DENND10: variants seen among roughly 807,000 people sequenced by gnomAD.
DENND10 encodes DENN domain-containing protein 10.
DENND10 carries 24 observed loss-of-function variants against 43.6 expected under a neutral mutation model. The observed-to-expected ratio is 0.55, with a 90% CI of 0.40 to 0.77. The LOEUF (loss-of-function observed/expected upper bound fraction) is 0.77. DENND10 is among the 30% of genes least tolerant of loss of function. The probability of loss-of-function intolerance (pLI) is 0.00; values close to 1 mark genes in which losing one functional copy is unlikely to be tolerated. For missense variants in DENND10, 303 were observed against 429.9 expected (o/e 0.70, Z 2.61); for synonymous variants, 125 against 157.6 (o/e 0.79, Z 1.55).
intron 8 of DENND10, 50 bp from the exon 9 acceptor site, chr10:119,136,421 T>C: frequency 6.4e-7 from 1 of 1,561,094 alleles, no homozygotes; most frequent in East Asian, 2.3e-5. Flanking sequence ...GACTAAATAT[T>C]CAAATTTCGG....
Position 119,108,173 on chromosome 10 carries a change from G to A in DENND10, c.252+9G>A, listed in dbSNP as rs375362682. 1.9e-6 allele frequency: 3 copies of A among 1,592,952 alleles called. No individual in the cohort carries two copies. Among genetic ancestry groups the A allele is most frequent in the Non-Finnish European group, 2.6e-6 (3 of 1,165,006 alleles). ...CTTCCATTTTGAAAAAGGTATGATT[G>A]CGTGAAGGTAAAAAAAAAACCCCAA... On this transcript the variant is annotated intron_variant, in intron 2 of 8. Transcript: ENST00000361432.
At chr10:119,128,732 C>A (rs1845946018) in intron 6 of DENND10, among the ~76,000 whole-genome samples, 1 of 152,080 alleles carries the variant, frequency 6.6e-6, no homozygotes. Flanking sequence ...AGGAAACTTA[C>A]AATCATGGCA....
chr10:119,129,672 A>G, intron 7 of DENND10, 50 bp downstream of exon 7: 1 of 1,337,270 alleles, frequency 7.5e-7, no homozygotes, highest in Non-Finnish European at 1.1e-6. Context: ...AAACAGTTGT[A>G]CATTTTTAGG....
chr10:119,126,215 C>T (rs1845825959), intron 6 of DENND10, among the ~76,000 whole-genome samples: 1 of 152,122 alleles, frequency 6.6e-6, no homozygotes, highest in African/African-American at 2.4e-5. Flanking sequence ...GATGGACACT[C>T]AGTTTGATTC....
rs143594834 is a variant in DENND10, at chr10:119,131,437, G to A, written c.803-1078G>A. ...CGCGCCACTGCACTCCAGCCTGGGT[G>A]ACAAAGCAAGACTCTGTCTCAAATA... On this transcript the variant is annotated intron_variant, in intron 7 of 8. Coordinates refer to ENST00000361432, the MANE Select transcript of DENND10 (RefSeq NM_207009.4). Among the ~76,000 whole-genome samples the A allele has an allele frequency of 3.9e-5, 6 of 152,226 alleles. No individual in the cohort carries two copies. In the East Asian group the frequency reaches 1.2e-3, roughly 29 times the overall value.
intron 5 of DENND10, among the ~76,000 whole-genome samples, chr10:119,122,687 T>C (rs1027774527): frequency 1.3e-5 from 2 of 152,208 alleles, no homozygotes; most frequent in African/African-American, 4.8e-5. Flanking sequence ...CAGTCATTAT[T>C]CTACCATAAG....
chr10:119,111,263 C>A (rs1415428565), intron 2 of DENND10, among the ~76,000 whole-genome samples: 19 of 118,452 alleles, frequency 1.6e-4, no homozygotes, highest in African/African-American at 4.8e-4. Flanking sequence ...GCAAATGTCC[C>A]AAAAAAAAAA....
intron 1 of DENND10, among the ~76,000 whole-genome samples, chr10:119,106,005 C>A (rs1180551186): frequency 2.6e-5 from 4 of 152,054 alleles, no homozygotes; most frequent in Non-Finnish European, 4.4e-5. Context: ...TCAGCCTGGC[C>A]AATATAGCGA....
rs1846152464 is a variant in DENND10 at position 119,132,988 on chromosome 10, G to A, written c.897+379G>A. ...GTTGCTGAGCATGGGGAACTAGATT[G>A]TCAAAATTTTGCTTTGCTTGTCTCC... On this transcript the variant is annotated intron_variant, in intron 8 of 8. Transcript: ENST00000361432. This position sits in a 1 kb window ranked among gnomAD's most constrained non-coding sequence, Gnocchi z 4.2. 4.9e-6 allele frequency: 1 copy of A among 202,748 alleles called. No homozygotes were observed. Among genetic ancestry groups the A allele is most frequent in the South Asian group, 8.6e-5 (1 of 11,680 alleles). 12.6% of individuals were successfully genotyped at this position (202,748 alleles called of 1,614,324 possible).
intron 1 of DENND10, among the ~76,000 whole-genome samples, chr10:119,107,339 A>G (rs1844743243): frequency 6.6e-6 from 1 of 151,780 alleles, no homozygotes; most frequent in Non-Finnish European, 1.5e-5. Context: ...TAAAAACTTA[A>G]TGTAATTTTA....
At chr10:119,111,263 C>CAA (rs34393667) in intron 2 of DENND10, among the ~76,000 whole-genome samples, 49 of 118,470 alleles carry the variant, frequency 4.1e-4, no homozygotes, top group African/African-American at 1.5e-3. Flanking sequence ...GCAAATGTCC[C>CAA]AAAAAAAAAA....
chr10:119,126,994 G>A (rs1165530107), intron 6 of DENND10, among the ~76,000 whole-genome samples: 1 of 151,302 alleles, frequency 6.6e-6, no homozygotes, highest in East Asian at 1.9e-4. Flanking sequence ...CACTTCCTGG[G>A]CTTAAGCCAT....
intron 7 of DENND10, among the ~76,000 whole-genome samples, chr10:119,130,990 G>A (rs1344620793): frequency 6.6e-6 from 1 of 152,182 alleles, no homozygotes; most frequent in Non-Finnish European, 1.5e-5. Flanking sequence ...CTTGAAGAAA[G>A]GAGTATCAAA....
At chr10:119,108,343 C>T (rs1227119908) in intron 2 of DENND10, among the ~76,000 whole-genome samples, 179 bp downstream of exon 2, 5 of 151,798 alleles carry the variant, frequency 3.3e-5, no homozygotes, top group African/African-American at 1.2e-4. Context: ...ATTAGCTGGG[C>T]GTGGTGGCGC....
intron 5 of DENND10, among the ~76,000 whole-genome samples, chr10:119,121,445 CTT>C (rs773938225): frequency 1.5e-3 from 164 of 112,862 alleles, no homozygotes; most frequent in African/African-American, 5.2e-3. Flanking sequence ...CCATTAGGTC[CTT>C]TTTTTTTTTT....
At chr10:119,110,865 C>T (rs752274224) in intron 2 of DENND10, among the ~76,000 whole-genome samples, 5 of 152,046 alleles carry the variant, frequency 3.3e-5, no homozygotes, top group Admixed American at 6.6e-5. Flanking sequence ...CCTTTTATAA[C>T]GAAGAACAAT....
At chr10:119,116,663 T>G (rs1164419515) in intron 3 of DENND10, among the ~76,000 whole-genome samples, 1 of 71,092 alleles carries the variant, frequency 1.4e-5, no homozygotes, top group Non-Finnish European at 2.9e-5. Context: ...CTTTCTTTCT[T>G]TCTTTTTTTT....
chr10:119,109,624 T>TC (rs1402933140), intron 2 of DENND10, among the ~76,000 whole-genome samples: 1 of 144,478 alleles, frequency 6.9e-6, no homozygotes, highest in East Asian at 2.0e-4. Flanking sequence ...AGAAGATACT[T>TC]TTTTTTTTTT....
chr10:119,119,064 G>C (rs1427489143), intron 4 of DENND10, among the ~76,000 whole-genome samples: 2 of 150,352 alleles, frequency 1.3e-5, no homozygotes, highest in Non-Finnish European at 2.9e-5. Flanking sequence ...GTGTTGCCTA[G>C]GCTGGGTGGC....
Sources: gnomAD v4.1 joint callset for allele counts (sites outside exome capture counted in the v4.1 genomes callset) on GRCh38, gnomAD v4.1.1 for gene constraint, Gnocchi (gnomAD v3.1) non-coding constraint, MANE v1.5 for transcripts, NCBI Gene and HGNC (gene_info 2026-07-23, HGNC 2026-07-21) for gene names.